Variants in ENOX1 observed in about 807,000 individuals in gnomAD.
ENOX1 encodes the protein ecto-NOX disulfide-thiol exchanger 1.
ENOX1 carries 42 observed loss-of-function variants against 82.5 expected under a neutral mutation model. The ratio of observed to expected loss-of-function variants is 0.51; its 90% CI spans 0.40 to 0.66. ENOX1 has a LOEUF of 0.66. Among genes scored for constraint, ENOX1 ranks in the 30% least tolerant of loss-of-function variants. ENOX1 has a pLI of 0.00. For synonymous variants in ENOX1, 271 were observed against 282.2 expected (o/e 0.96, Z 0.40); for missense variants, 608 against 811.6 (o/e 0.75, Z 3.05).
intron 2 of ENOX1, among the ~76,000 whole-genome samples, chr13:43,618,779 G>C (rs970259051): frequency 6.6e-6 from 1 of 151,954 alleles, no homozygotes. Context: ...GAAGAATGAT[G>C]GTGGTATTTT....
rs184684872 is a variant in ENOX1, at chr13:43,747,840, C to A, written c.-285+38812G>T. On this transcript the variant is annotated intron_variant, in intron 1 of 16. Coordinates refer to ENST00000690772, the MANE Select transcript of ENOX1 (RefSeq NM_001347969.2). ...CCCAAAGGGATCCATGGATAGAATTCATGGAAGTTCTTGAATTCAGATGGA... is the reference window on the plus strand; with the variant it reads ...CCCAAAGGGATCCATGGATAGAATTAATGGAAGTTCTTGAATTCAGATGGA... Among the ~76,000 whole-genome samples the A allele has an allele frequency of 2.0e-5, 3 of 152,292 alleles. No homozygotes were observed. In the East Asian group the frequency reaches 5.8e-4, roughly 29 times the overall value.
intron 9 of ENOX1, among the ~76,000 whole-genome samples, chr13:43,328,631 G>C (rs2048249747): frequency 6.6e-6 from 1 of 152,182 alleles, no homozygotes; most frequent in African/African-American, 2.4e-5. Context: ...GACTAGTAAT[G>C]CACCTGGAGG....
intron 2 of ENOX1, among the ~76,000 whole-genome samples, chr13:43,526,485 T>C (rs926684451): frequency 6.6e-6 from 1 of 151,958 alleles, no homozygotes; most frequent in Non-Finnish European, 1.5e-5. Context: ...CTTTCTAAAA[T>C]ACTGAAAAAA....
intron 2 of ENOX1, among the ~76,000 whole-genome samples, chr13:43,535,214 AC>A (rs1236265052): frequency 6.6e-6 from 1 of 152,206 alleles, no homozygotes; most frequent in Non-Finnish European, 1.5e-5. Flanking sequence ...ATCATGAAAG[AC>A]TTAATAACTA....
intron 1 of ENOX1, among the ~76,000 whole-genome samples, chr13:43,718,017 C>T (rs117071761): frequency 1.8e-3 from 268 of 152,280 alleles, no homozygotes; most frequent in East Asian, 0.014. Flanking sequence ...TTTGAGCTAG[C>T]AACTCACTAC....
intron 3 of ENOX1, among the ~76,000 whole-genome samples, chr13:43,420,535 G>C (rs559619504): frequency 2.0e-5 from 3 of 152,338 alleles, no homozygotes; most frequent in African/African-American, 7.2e-5. Flanking sequence ...GAATCTGCAA[G>C]TTTAGGGGCA....
At chr13:43,671,954 T>G (rs1211790722) in intron 1 of ENOX1, among the ~76,000 whole-genome samples, 1 of 152,232 alleles carries the variant, frequency 6.6e-6, no homozygotes, top group African/African-American at 2.4e-5. Flanking sequence ...TTATTAAATA[T>G]CATCAATAGT....
intron 9 of ENOX1, among the ~76,000 whole-genome samples, chr13:43,342,058 G>A (rs956362362): frequency 1.3e-5 from 2 of 152,178 alleles, no homozygotes; most frequent in South Asian, 4.1e-4. Context: ...TCCAGGTAAA[G>A]CGAATAGCAC....
intron 1 of ENOX1, among the ~76,000 whole-genome samples, chr13:43,723,697 G>C (rs1338335381): frequency 6.6e-6 from 1 of 151,976 alleles, no homozygotes; most frequent in Non-Finnish European, 1.5e-5. Context: ...TGGGACCCAA[G>C]ACACTTTCTG....
intron 3 of ENOX1, among the ~76,000 whole-genome samples, chr13:43,482,705 G>A (rs1168975761): frequency 2.0e-5 from 3 of 151,824 alleles, no homozygotes; most frequent in Admixed American, 1.3e-4. Flanking sequence ...ATGAAGGTTT[G>A]AAAACAAATG....
chr13:43,766,872 C>A (rs1951307347), intron 1 of ENOX1, among the ~76,000 whole-genome samples: 1 of 152,070 alleles, frequency 6.6e-6, no homozygotes, highest in African/African-American at 2.4e-5. Context: ...AGCTAGTTGG[C>A]CCATCATCTG....
intron 4 of ENOX1, among the ~76,000 whole-genome samples, chr13:43,412,499 G>A (rs931380677): frequency 1.3e-5 from 2 of 152,142 alleles, no homozygotes; most frequent in African/African-American, 4.8e-5. Context: ...GGTCCTGACT[G>A]AATTTATTAA....
chr13:43,348,698 G>A (rs576160982), intron 8 of ENOX1, among the ~76,000 whole-genome samples: 2 of 152,186 alleles, frequency 1.3e-5, no homozygotes, highest in African/African-American at 4.8e-5. Flanking sequence ...GTAGCCACCT[G>A]GGTTATCAGA....
At chr13:43,274,131 C>A (rs1427564497) in intron 12 of ENOX1, among the ~76,000 whole-genome samples, 1 of 152,198 alleles carries the variant, frequency 6.6e-6, no homozygotes, top group South Asian at 2.1e-4. Flanking sequence ...AGGAAAACAG[C>A]AGTTTCATTT....
chr13:43,549,634 C>T (rs1338617468), intron 2 of ENOX1, among the ~76,000 whole-genome samples: 2 of 152,084 alleles, frequency 1.3e-5, no homozygotes, highest in East Asian at 3.9e-4. Flanking sequence ...TGAAATTTAC[C>T]ATTACTTAAA....
chr13:43,343,851 G>A (rs2049208774), intron 9 of ENOX1, among the ~76,000 whole-genome samples: 2 of 151,990 alleles, frequency 1.3e-5, no homozygotes, highest in South Asian at 4.1e-4. Flanking sequence ...CACAGATAGA[G>A]TGCCCATAAA....
At chr13:43,277,279 T>C (rs1185433565) in intron 12 of ENOX1, among the ~76,000 whole-genome samples, 1 of 152,214 alleles carries the variant, frequency 6.6e-6, no homozygotes, top group African/African-American at 2.4e-5. Flanking sequence ...CAATCTCTCA[T>C]TCATGATGAG....
At position 43,374,863 on chromosome 13, in the gene ENOX1, G is replaced by A. The variant is rs142487299; in HGVS notation, c.209-13411C>T. Among the ~76,000 whole-genome samples the A allele has an allele frequency of 2.3e-3, 343 of 152,270 alleles. 3 individuals carry two copies. Among genetic ancestry groups the A allele is most frequent in the Non-Finnish European group, 2.3e-3 (155 of 68,032 alleles). On this transcript the variant is annotated intron_variant, in intron 5 of 16. Coordinates refer to ENST00000690772, the MANE Select transcript of ENOX1 (RefSeq NM_001347969.2). The stretch of plus-strand genomic sequence containing the variant: ...GCTGTGGTTTACACTATCCTGCTGG[G>A]GATGAAAATCTACTTGTTTGTAGTC...
intron 11 of ENOX1, among the ~76,000 whole-genome samples, chr13:43,300,348 A>G (rs537892902): frequency 3.9e-5 from 6 of 152,336 alleles, no homozygotes; most frequent in South Asian, 2.1e-4. Flanking sequence ...CAGACACTCA[A>G]TAAATGTTGG....
Sources: allele counts gnomAD v4.1 joint callset (sites outside exome capture counted in the v4.1 genomes callset), GRCh38; gene constraint gnomAD v4.1.1; transcripts MANE v1.5; gene names NCBI Gene and HGNC (gene_info 2026-07-23, HGNC 2026-07-21).